Variants in CAP2 observed in about 807,000 individuals in gnomAD.
The protein encoded by CAP2 is cyclase associated actin cytoskeleton regulatory protein 2, also known as adenylyl cyclase-associated protein 2.
A neutral mutation model predicts 57.7 loss-of-function variants in CAP2; 24 were observed. The observed-to-expected ratio is 0.42, with a 90% CI of 0.30 to 0.58. The LOEUF (loss-of-function observed/expected upper bound fraction) is 0.58, where lower values mean the gene tolerates loss of function less well. Among genes scored for constraint, CAP2 ranks in the 20% least tolerant of loss-of-function variants. The pLI, the probability that CAP2 is intolerant of heterozygous loss-of-function variation, is 0.22. For synonymous variants in CAP2, 194 were observed against 207.2 expected (o/e 0.94, Z 0.55); for missense variants, 501 against 590.3 (o/e 0.85, Z 1.57).
rs150874881 is a variant in CAP2 at position 17,515,642 on chromosome 6, A to G, written c.636+1688A>G. Among the ~76,000 whole-genome samples, 30 of 152,336 alleles carry G rather than the reference A, an allele frequency of 2.0e-4. 1 individual carries two copies. In the East Asian group the frequency reaches 5.4e-3, roughly 27 times the overall value. On this transcript the variant is annotated intron_variant, in intron 7 of 12. Transcript: ENST00000229922. ...TTGAAATTATTCCAAAAAAAAGAGA[A>G]CAAGATAGATGTCATTTTAATGAGG...
At chr6:17,538,860 G>A (rs534058010) in intron 7 of CAP2, among the ~76,000 whole-genome samples, 107 of 152,256 alleles carry the variant, frequency 7.0e-4, no homozygotes, top group African/African-American at 2.5e-3. Flanking sequence ...CACCCCATTG[G>A]TGGTCACAGT....
At chr6:17,552,247 C>A (rs1763186833) in intron 12 of CAP2, among the ~76,000 whole-genome samples, 1 of 152,152 alleles carries the variant, frequency 6.6e-6, no homozygotes, top group Non-Finnish European at 1.5e-5. Context: ...TCTCAAAGAA[C>A]CATACACGTA....
At chr6:17,438,405 T>G (rs190224548) in intron 3 of CAP2, among the ~76,000 whole-genome samples, 2 of 150,082 alleles carry the variant, frequency 1.3e-5, no homozygotes, top group Non-Finnish European at 2.9e-5. Context: ...GTTGGTTTTT[T>G]TGTTTGCTTG....
intron 4 of CAP2, among the ~76,000 whole-genome samples, chr6:17,470,977 ATTTCT>A (rs367637195): frequency 2.0e-4 from 30 of 152,324 alleles, no homozygotes; most frequent in Middle Eastern, 3.4e-3. Flanking sequence ...ATATTTCAAA[ATTTCT>A]TTTAACTACA....
At position 17,507,815 on chromosome 6, in the gene CAP2, C is replaced by T. The variant is rs532918894; in HGVS notation, c.530+89C>T. The T allele has an allele frequency of 3.5e-5, 26 of 744,516 alleles. 1 individual carries two copies. In the South Asian group the frequency reaches 4.0e-4, roughly 11 times the overall value. 46.1% of individuals were successfully genotyped at this position (744,516 alleles called of 1,614,324 possible). The stretch of plus-strand genomic sequence containing the variant: ...ACTCAGTCCAGTTAACTACTGATTC[C>T]TTTCCAAGGCTCTACACTAATGTAC... On this transcript the variant is annotated intron_variant, in intron 6 of 12. Coordinates refer to ENST00000229922, the MANE Select transcript of CAP2 (RefSeq NM_006366.3).
At chr6:17,517,834 G>T (rs1169887814) in intron 7 of CAP2, among the ~76,000 whole-genome samples, 2 of 152,168 alleles carry the variant, frequency 1.3e-5, no homozygotes, top group Non-Finnish European at 2.9e-5. Context: ...CCGGGAGGCA[G>T]TGGTTGTAGT....
intron 1 of CAP2, among the ~76,000 whole-genome samples, chr6:17,396,429 A>C (rs1454008339): frequency 6.6e-6 from 1 of 152,226 alleles, no homozygotes; most frequent in Non-Finnish European, 1.5e-5. Flanking sequence ...GGATAAATAA[A>C]AGGTGGTATA....
At chr6:17,433,059 T>C (rs1314915427) in intron 3 of CAP2, among the ~76,000 whole-genome samples, 1 of 151,274 alleles carries the variant, frequency 6.6e-6, no homozygotes, top group Non-Finnish European at 1.5e-5. Flanking sequence ...CTAGGTGATG[T>C]GCGTGGTGTG....
At chr6:17,394,576 G>A (rs1758623337) in intron 1 of CAP2, among the ~76,000 whole-genome samples, 1 of 152,196 alleles carries the variant, frequency 6.6e-6, no homozygotes, top group South Asian at 2.1e-4. Flanking sequence ...GAGTGGAGAT[G>A]AACACTTGGT....
intron 4 of CAP2, among the ~76,000 whole-genome samples, chr6:17,465,948 G>A (rs1373613216): frequency 1.3e-5 from 2 of 152,122 alleles, no homozygotes; most frequent in African/African-American, 4.8e-5. Context: ...TGGATCTCCA[G>A]GTTGGCCACT....
intron 4 of CAP2, among the ~76,000 whole-genome samples, chr6:17,500,617 G>A (rs1308066732): frequency 6.6e-6 from 1 of 151,782 alleles, no homozygotes; most frequent in African/African-American, 2.4e-5. Context: ...TTGGAAGGAG[G>A]TTTAATATTT....
At chr6:17,530,906 T>A in intron 7 of CAP2, 1 of 1,416,214 alleles carries the variant, frequency 7.1e-7, no homozygotes, top group Non-Finnish European at 9.8e-7. Flanking sequence ...AGTTCATTCT[T>A]CTAATAAGCC....
At chr6:17,418,174 G>C (rs1759337435) in intron 1 of CAP2, among the ~76,000 whole-genome samples, 1 of 152,124 alleles carries the variant, frequency 6.6e-6, no homozygotes, top group African/African-American at 2.4e-5. Context: ...TTGGAGAGAA[G>C]GCGGCATGAT....
At chr6:17,455,305 C>T (rs1038077805) in intron 3 of CAP2, among the ~76,000 whole-genome samples, 3 of 151,630 alleles carry the variant, frequency 2.0e-5, no homozygotes, top group East Asian at 1.9e-4. Context: ...ATGCCTCAAG[C>T]GAGCATGCGC....
rs1422373521 is a variant in CAP2 at position 17,438,704 on chromosome 6, G to A, written c.222+12014G>A. On this transcript the variant is annotated intron_variant, in intron 3 of 12. Coordinates refer to ENST00000229922, the MANE Select transcript of CAP2 (RefSeq NM_006366.3). ...TCCGCCCACCTCGGCCTCCCAAAGT[G>A]CTGGGATTATAGGTGTGAGCCACCG... is the stretch of plus-strand genomic sequence containing the variant. Among the ~76,000 whole-genome samples the A allele has an allele frequency of 1.5e-4, 22 of 148,550 alleles. 1 individual carries two copies. The highest frequency in any genetic ancestry group is 2.7e-4 in the Non-Finnish European group (18 of 67,504).
intron 4 of CAP2, among the ~76,000 whole-genome samples, chr6:17,491,676 C>T (rs1295749940): frequency 1.3e-5 from 2 of 152,144 alleles, no homozygotes; most frequent in African/African-American, 4.8e-5. Flanking sequence ...GCTGTGGGAG[C>T]GAGACATATC....
At chr6:17,445,348 C>T (rs2113570056) in intron 3 of CAP2, among the ~76,000 whole-genome samples, 1 of 152,328 alleles carries the variant, frequency 6.6e-6, no homozygotes, top group East Asian at 1.9e-4. Context: ...CTCAGGTGAT[C>T]CACCCATCTC....
intron 3 of CAP2, among the ~76,000 whole-genome samples, chr6:17,436,082 T>TTCCTTCCTTCCTTCCTTCCTTCC (rs1561782653): frequency 8.1e-4 from 63 of 77,514 alleles, no homozygotes; most frequent in African/African-American, 3.2e-3. Flanking sequence ...TCTTTCTTTC[T>TTCCTTCCTTCCTTCCTTCCTTCC]TTCTTTCCTT....
intron 10 of CAP2, 50 bp downstream of exon 10, chr6:17,543,010 C>T: frequency 1.2e-6 from 2 of 1,611,726 alleles, no homozygotes; most frequent in Non-Finnish European, 1.7e-6. Flanking sequence ...TATAAACAAG[C>T]TGTATGTATT....
Sources: allele counts gnomAD v4.1 joint callset (sites outside exome capture counted in the v4.1 genomes callset), GRCh38; gene constraint gnomAD v4.1.1; transcripts MANE v1.5; gene names NCBI Gene and HGNC (gene_info 2026-07-23, HGNC 2026-07-21).